Variants in ZC3H7A observed in about 807,000 individuals in gnomAD.
ZC3H7A encodes zinc finger CCCH-type containing 7A.
Under a neutral mutation model 125.5 loss-of-function variants are expected in ZC3H7A, and 44 were observed. That is an observed-to-expected ratio of 0.35 (90% confidence interval 0.28 to 0.45). The LOEUF (loss-of-function observed/expected upper bound fraction) is 0.45, where lower values mean the gene tolerates loss of function less well. ZC3H7A is among the 20% of genes least tolerant of loss of function. The pLI, the probability that ZC3H7A is intolerant of heterozygous loss-of-function variation, is 1.00. For synonymous variants in ZC3H7A, 399 were observed against 391.2 expected (o/e 1.02, Z -0.23); for missense variants, 977 against 1,170.7 (o/e 0.83, Z 2.41).
chr16:11,794,489 C>T (rs963257421), intron 1 of ZC3H7A, among the ~76,000 whole-genome samples: 2 of 152,118 alleles, frequency 1.3e-5, no homozygotes, highest in Non-Finnish European at 2.9e-5. Flanking sequence ...TTTGCCAACA[C>T]CTCACACTTT....
intron 21 of ZC3H7A, among the ~76,000 whole-genome samples, chr16:11,754,641 C>T (rs986530824): frequency 3.9e-5 from 6 of 152,092 alleles, no homozygotes; most frequent in African/African-American, 1.4e-4. Flanking sequence ...CCTGTAATCC[C>T]AGCACTTTGG....
chr16:11,774,588 A>G (rs2141197114), intron 8 of ZC3H7A, 69 bp from the exon 9 acceptor site: 2 of 1,417,372 alleles, frequency 1.4e-6, no homozygotes, highest in Non-Finnish European at 1.9e-6. Context: ...TTAATCCCCA[A>G]TAATAGAGAT....
At chr16:11,766,969 AT>A (rs996033553) in intron 13 of ZC3H7A, among the ~76,000 whole-genome samples, 172 of 152,286 alleles carry the variant, frequency 1.1e-3, no homozygotes, top group African/African-American at 3.8e-3. Flanking sequence ...AGCTCTAAAC[AT>A]TTTTTATAAC....
chr16:11,757,455 G>T (rs971008795), intron 20 of ZC3H7A, among the ~76,000 whole-genome samples: 1 of 128,810 alleles, frequency 7.8e-6, no homozygotes, highest in Non-Finnish European at 1.5e-5. Flanking sequence ...CTGCACTCCA[G>T]CCTGGGTGAC....
At chr16:11,774,915 A>G in intron 8 of ZC3H7A, 65 bp downstream of exon 8, 1 of 1,529,114 alleles carries the variant, frequency 6.5e-7, no homozygotes, top group Non-Finnish European at 9.1e-7. Flanking sequence ...AATACATCAC[A>G]TACAAAGACA....
intron 2 of ZC3H7A, 30 bp downstream of exon 2, chr16:11,782,257 G>A (rs992425056): frequency 6.2e-7 from 1 of 1,612,890 alleles, no homozygotes; most frequent in African/African-American, 1.3e-5. Context: ...TTAGGACGCG[G>A]CAAGAACACA....
At chr16:11,763,432 T>C (rs757795723) in intron 16 of ZC3H7A, 46 bp downstream of exon 16, 4 of 1,541,234 alleles carry the variant, frequency 2.6e-6, no homozygotes, top group South Asian at 2.4e-5. Flanking sequence ...CATTAAACCC[T>C]GTCTGCTCTT....
chr16:11,763,985 G>C (rs865890543), intron 15 of ZC3H7A, among the ~76,000 whole-genome samples: 1 of 151,136 alleles, frequency 6.6e-6, no homozygotes, highest in Non-Finnish European at 1.5e-5. Flanking sequence ...TAATAGAGAC[G>C]GGGTTTCACC....
rs1477286538 is a variant in ZC3H7A at position 11,768,471 on chromosome 16, C to G, written c.1204G>C (p.Glu402Gln). The G allele has an allele frequency of 2.7e-6, 4 of 1,493,306 alleles. No homozygotes were observed. Among genetic ancestry groups the G allele is most frequent in the Non-Finnish European group, 3.6e-6 (4 of 1,107,968 alleles). The allele number at this position is 1,493,306 out of a possible 1,614,324, so 92.5% of individuals were successfully genotyped here. A position where few individuals can be genotyped will look rare whatever the true frequency, so the allele number is the denominator to read the frequency against. The change falls in exon 12 of 23, where the codon GAG becomes CAG. Residue 402 changes from glutamate to glutamine, a missense_variant. Glu to Gln is a conservative substitution (Grantham distance 29). This residue lies in a region of ZC3H7A where 342 missense variants were observed against 311.3 expected (regional missense o/e 1.10). Transcript: ENST00000355758. Reference protein sequence around the residue: ...MNGPGSLFASENFLGISSQPR... With the variant: ...MNGPGSLFASQNFLGISSQPR... ...TGACTTGAAATTCCCAGGAAATTCTCTGAAGCAAACAAACTACCTGGTCCA... is the reference window on the plus strand; with the variant it reads ...TGACTTGAAATTCCCAGGAAATTCTGTGAAGCAAACAAACTACCTGGTCCA...
intron 9 of ZC3H7A, among the ~76,000 whole-genome samples, chr16:11,772,092 A>G (rs2052993674): frequency 6.6e-6 from 1 of 151,682 alleles, no homozygotes; most frequent in Non-Finnish European, 1.5e-5. Context: ...GCTACTCGGG[A>G]GGTTGAGGCA....
chr16:11,771,156 G>A (rs1253013102), intron 9 of ZC3H7A, among the ~76,000 whole-genome samples, 169 bp from the exon 10 acceptor site: 2 of 152,146 alleles, frequency 1.3e-5, no homozygotes, highest in South Asian at 2.1e-4. Flanking sequence ...GGGAGGCTAC[G>A]GCAGGCGGAC....
chr16:11,751,939 T>C (rs908664143), intron 22 of ZC3H7A, among the ~76,000 whole-genome samples: 38 of 150,702 alleles, frequency 2.5e-4, no homozygotes, highest in African/African-American at 8.5e-4. Flanking sequence ...AGTCTCACTG[T>C]TTGTTGCCCA....
Position 11,752,825 on chromosome 16 carries a change from A to C in ZC3H7A, c.2570T>G (p.Phe857Cys). Reference protein sequence around the residue: ...PTDYAEVTVDFHCWMCGKNCN... With the variant: ...PTDYAEVTVDCHCWMCGKNCN... The stretch of plus-strand genomic sequence containing the variant: ...GTTTTTCCCACACATCCAGCAGTGA[A>C]AGTCCACCTAATGTGCAGCAAAGAC... The change falls in exon 22 of 23, where the codon TTT (phenylalanine) becomes TGT (cysteine). Residue 857 changes from phenylalanine (F) to cysteine (C), a missense_variant. Transcript: ENST00000355758. 6.2e-7 allele frequency: 1 copy of C among 1,612,754 alleles called. No homozygotes were observed. The highest frequency in any genetic ancestry group is 8.5e-7 in the Non-Finnish European group (1 of 1,179,638).
intron 1 of ZC3H7A, among the ~76,000 whole-genome samples, chr16:11,790,255 G>A (rs1043213252): frequency 6.6e-6 from 1 of 152,102 alleles, no homozygotes; most frequent in African/African-American, 2.4e-5. Flanking sequence ...AACCAAAAAA[G>A]TGAGAAACAG....
chr16:11,790,618 C>T (rs965753225), intron 1 of ZC3H7A, among the ~76,000 whole-genome samples: 2 of 151,820 alleles, frequency 1.3e-5, no homozygotes, highest in African/African-American at 4.8e-5. Flanking sequence ...CGGCTCATTG[C>T]AACCTCCGCC....
chr16:11,774,050 CTTTT>C lies in ZC3H7A; in HGVS notation c.903+182_903+185del, dbSNP rs1477808412. Among the ~76,000 whole-genome samples, 3 of 151,910 alleles carry C rather than the reference CTTTT, an allele frequency of 2.0e-5. No homozygotes were observed. In the South Asian group the frequency reaches 6.2e-4, roughly 32 times the overall value. On this transcript the variant is annotated intron_variant, in intron 9 of 22. Transcript: ENST00000355758. ...AATTGGCTAATTACTAGATAGCATT[CTTTT>C]TTTATTTCAAAATGATCAAATTAAC...
At chr16:11,776,205 T>G (rs928647907) in intron 7 of ZC3H7A, 115 bp downstream of exon 7, 2 of 1,008,210 alleles carry the variant, frequency 2.0e-6, no homozygotes, top group African/African-American at 3.3e-5. Flanking sequence ...AATTACGTGT[T>G]TGAGGAATTA....
intron 10 of ZC3H7A, among the ~76,000 whole-genome samples, chr16:11,769,710 CAAAA>C (rs529124830): frequency 9.2e-5 from 3 of 32,556 alleles, no homozygotes; most frequent in African/African-American, 3.8e-4. Flanking sequence ...GACTCTGTCT[CAAAA>C]AAAAAAAAAA....
At chr16:11,792,445 G>A (rs1360886421) in intron 1 of ZC3H7A, among the ~76,000 whole-genome samples, 1 of 152,186 alleles carries the variant, frequency 6.6e-6, no homozygotes, top group African/African-American at 2.4e-5. Context: ...CTAGTACAAT[G>A]TTGGTAACTA....
Sources: gnomAD v4.1 joint callset for allele counts (sites outside exome capture counted in the v4.1 genomes callset) on GRCh38, gnomAD v4.1.1 for gene constraint, gnomAD v4.1.1 regional missense constraint, MANE v1.5 for transcripts, NCBI Gene and HGNC (gene_info 2026-07-23, HGNC 2026-07-21) for gene names.